The following ZC3H7A variants were observed in gnomAD, a reference collection of about 807,000 sequenced individuals.
The protein encoded by ZC3H7A is zinc finger CCCH-type containing 7A, also known as zinc finger CCCH domain-containing protein 7A.
In ZC3H7A, 44 loss-of-function variants were observed where a neutral mutation model predicts 125.5. The observed-to-expected ratio is 0.35, with a 90% confidence interval of 0.28 to 0.45. ZC3H7A has a LOEUF of 0.45. Ranked by LOEUF, ZC3H7A falls within the 20% of genes least tolerant of loss-of-function variation. The pLI, the probability that ZC3H7A is intolerant of heterozygous loss-of-function variation, is 1.00. For missense variants in ZC3H7A, 977 were observed against 1,170.7 expected (o/e 0.83, Z 2.41); for synonymous variants, 399 against 391.2 (o/e 1.02, Z -0.23).
Position 11,756,227 on chromosome 16 carries a change from C to T in ZC3H7A, c.2562+10G>A, listed in dbSNP as rs768850868. ...CGGCAAAGAGAGGGTAAATGACGCA[C>T]GGTACTCACTGTAACTTCAGCATAA... On this transcript the variant is annotated intron_variant, in intron 21 of 22. Transcript: ENST00000355758. 9.9e-6 allele frequency: 16 copies of T among 1,608,576 alleles called. No individual in the cohort carries two copies. Among genetic ancestry groups the T allele is most frequent in the African/African-American group, 4.0e-5 (3 of 74,544 alleles).
At position 11,786,297 on chromosome 16, in the gene ZC3H7A, G is replaced by A. The variant is rs115824069; in HGVS notation, c.-34-3909C>T. Among the ~76,000 whole-genome samples, 384 of 152,278 alleles carry A rather than the reference G, an allele frequency of 2.5e-3. 1 individual carries two copies. Among genetic ancestry groups the A allele is most frequent in the African/African-American group, 8.7e-3 (362 of 41,536 alleles). On this transcript the variant is annotated intron_variant, in intron 1 of 22. Transcript: ENST00000355758. ...AGTATGCAGGATGCCAGAGCAGTCAGGCCAGAGGGAGGGAACAAAAGAAAA... is the reference window on the plus strand; with the variant it reads ...AGTATGCAGGATGCCAGAGCAGTCAAGCCAGAGGGAGGGAACAAAAGAAAA...
At chr16:11,761,366 G>T in intron 19 of ZC3H7A, 40 bp downstream of exon 19, 1 of 1,557,840 alleles carries the variant, frequency 6.4e-7, no homozygotes, top group Non-Finnish European at 8.9e-7. Flanking sequence ...GATTTGAAAT[G>T]CCTAATTTAA....
chr16:11,791,872 C>T (rs899755679), intron 1 of ZC3H7A, among the ~76,000 whole-genome samples: 14 of 152,186 alleles, frequency 9.2e-5, no homozygotes, highest in Non-Finnish European at 1.8e-4. Flanking sequence ...ATCCCCTCTT[C>T]TCCTAAATAA....
chr16:11,777,497 G>A (rs1198622168), intron 4 of ZC3H7A, among the ~76,000 whole-genome samples: 1 of 152,150 alleles, frequency 6.6e-6, no homozygotes, highest in Non-Finnish European at 1.5e-5. Context: ...GAGGTGGGTG[G>A]ATCACCTGAG....
chr16:11,781,635 A>G (rs1407734867), intron 2 of ZC3H7A, among the ~76,000 whole-genome samples, 171 bp from the exon 3 acceptor site: 4 of 124,508 alleles, frequency 3.2e-5, no homozygotes, highest in Admixed American at 8.5e-5. Context: ...CAGTTATGGG[A>G]AAAAAAATAC....
intron 17 of ZC3H7A, 54 bp from the exon 18 acceptor site, chr16:11,762,097 G>A: frequency 6.7e-7 from 1 of 1,499,306 alleles, no homozygotes; most frequent in Non-Finnish European, 8.9e-7. Flanking sequence ...CCAGTTTTCT[G>A]ATGACAAAAT....
chr16:11,756,746 G>A (rs1194165734), intron 20 of ZC3H7A, among the ~76,000 whole-genome samples: 1 of 152,142 alleles, frequency 6.6e-6, no homozygotes, highest in Non-Finnish European at 1.5e-5. Flanking sequence ...ACCACACAAG[G>A]CTACTTACGT....
chr16:11,763,322 T>C, intron 16 of ZC3H7A, 156 bp downstream of exon 16: 1 of 625,154 alleles, frequency 1.6e-6, no homozygotes, highest in Non-Finnish European at 2.6e-6. Flanking sequence ...CTGGCCAGAC[T>C]GGTCTTGAAC....
rs2052689029 is a variant in ZC3H7A, at chr16:11,758,422, T to C, written c.2428+9A>G. On this transcript the variant is annotated intron_variant, in intron 20 of 22. Transcript: ENST00000355758. ...CTAGCTCAAGGACACAGCTAAAAGATTAACTTACTCCCATTCTCCTTCATG... is the reference window on the plus strand; with the variant it reads ...CTAGCTCAAGGACACAGCTAAAAGACTAACTTACTCCCATTCTCCTTCATG... 2 of 1,599,392 alleles carry C rather than the reference T, an allele frequency of 1.3e-6. No individual in the cohort carries two copies. Among genetic ancestry groups the C allele is most frequent in the African/African-American group, 2.7e-5 (2 of 74,694 alleles).
chr16:11,786,556 G>A (rs1443838192), intron 1 of ZC3H7A, among the ~76,000 whole-genome samples: 1 of 152,138 alleles, frequency 6.6e-6, no homozygotes, highest in Non-Finnish European at 1.5e-5. Flanking sequence ...AAGGCGTGTG[G>A]CAAAGAGCTG....
Position 11,756,311 on chromosome 16 carries a change from C to T in ZC3H7A, c.2488G>A (p.Glu830Lys). The change falls in exon 21 of 23, where the codon GAA becomes AAA. Residue 830 changes from glutamate to lysine, a missense_variant. Coordinates refer to ENST00000355758, the MANE Select transcript of ZC3H7A (RefSeq NM_014153.4). ...TTGTTTGACTGACTGGCTATGTCTT[C>T]ACTTTTTTCATTTTTTTGACTCTTG... ...WLKSQKNEKS[E>K]DIASQSNKEN... The T allele has an allele frequency of 6.2e-7, 1 of 1,614,064 alleles. No homozygotes were observed. The highest frequency in any genetic ancestry group is 8.5e-7 in the Non-Finnish European group (1 of 1,180,004).
At chr16:11,773,850 T>C (rs958618015) in intron 9 of ZC3H7A, among the ~76,000 whole-genome samples, 1 of 151,738 alleles carries the variant, frequency 6.6e-6, no homozygotes, top group African/African-American at 2.4e-5. Context: ...GCCACTGCAC[T>C]CCAGCCTGGG....
intron 1 of ZC3H7A, 106 bp from the exon 2 acceptor site, chr16:11,782,494 T>C (rs533267305): frequency 5.3e-5 from 49 of 924,988 alleles, no homozygotes; most frequent in Non-Finnish European, 6.4e-5. Context: ...TGTGGACACA[T>C]CCATTTCTGA....
At chr16:11,796,316 G>A (rs964086378) in intron 1 of ZC3H7A, 5 of 152,324 alleles carry the variant, frequency 3.3e-5, no homozygotes, top group African/African-American at 9.6e-5. Context: ...CATTTCGTGG[G>A]CTCCATCGTC....
At chr16:11,785,384 T>C (rs1457454172) in intron 1 of ZC3H7A, among the ~76,000 whole-genome samples, 1 of 151,416 alleles carries the variant, frequency 6.6e-6, no homozygotes, top group Non-Finnish European at 1.5e-5. Flanking sequence ...TGCGTACCAG[T>C]AGTCCCAGCT....
At position 11,768,517 on chromosome 16, in the gene ZC3H7A, G is replaced by GAAAA; in HGVS notation, c.1174-17_1174-16insTTTT. The GAAAA allele has an allele frequency of 1.9e-6, 2 of 1,048,744 alleles. No individual in the cohort carries two copies. Among genetic ancestry groups the GAAAA allele is most frequent in the Admixed American group, 6.1e-5 (1 of 16,454 alleles). The allele number at this position is 1,048,744 out of a possible 1,614,324, so 65.0% of individuals were successfully genotyped here. On this transcript the variant is annotated splice_polypyrimidine_tract_variant and intron_variant, in intron 11 of 22. Transcript: ENST00000355758. ...GTCCATTCATCTGCAAGAAAAATAA[G>GAAAA]AAGAAAAAAAAAAAAAACAGCCAAC...
At chr16:11,757,687 C>G (rs537571372) in intron 20 of ZC3H7A, among the ~76,000 whole-genome samples, 1 of 152,104 alleles carries the variant, frequency 6.6e-6, no homozygotes, top group African/African-American at 2.4e-5. Context: ...ATTGCAAAAG[C>G]CTGGTGCGCA....
rs768010055 is a variant in ZC3H7A, at chr16:11,761,495, G to A, written c.2230C>T (p.Arg744Cys). 12 of 1,613,780 alleles carry A rather than the reference G, an allele frequency of 7.4e-6. No individual in the cohort carries two copies. Among genetic ancestry groups the A allele is most frequent in the East Asian group, 2.2e-5 (1 of 44,878 alleles). ...KARHSWTKDR[R>C]AMRVMSIERK... ...TCAATAGACATCACTCTCATCGCAC[G>A]CCGGTCTTTGGTCCACCTAAGAAAA... is the stretch of plus-strand genomic sequence containing the variant. Residue 744 changes from arginine (R) to cysteine (C), a missense_variant, in exon 19 of 23, where the codon CGT (arginine) becomes TGT (cysteine). By Grantham distance (180) the Arg-to-Cys change is radical (BLOSUM62 -3). Coordinates refer to ENST00000355758, the MANE Select transcript of ZC3H7A (RefSeq NM_014153.4).
intron 11 of ZC3H7A, 49 bp from the exon 12 acceptor site, chr16:11,768,550 G>C (rs761075077): frequency 5.8e-6 from 8 of 1,379,920 alleles, no homozygotes; most frequent in Non-Finnish European, 7.7e-6. Flanking sequence ...AACAAATATT[G>C]CATTATCACT....
Sources: allele counts gnomAD v4.1 joint callset (sites outside exome capture counted in the v4.1 genomes callset), GRCh38; gene constraint gnomAD v4.1.1; transcripts MANE v1.5; gene names NCBI Gene and HGNC (gene_info 2026-07-23, HGNC 2026-07-21).